B3GALT1: variants seen among roughly 807,000 people sequenced by gnomAD.
B3GALT1 encodes the protein beta-1,3-galactosyltransferase 1.
Under a neutral mutation model 23.2 loss-of-function variants are expected in B3GALT1, and 10 were observed. That is an observed-to-expected ratio of 0.43 (90% CI 0.27 to 0.73). The LOEUF is 0.73. Ranked by LOEUF, B3GALT1 falls within the 30% of genes least tolerant of loss-of-function variation. The pLI is 0.21. For synonymous variants in B3GALT1, 156 were observed against 141.5 expected (o/e 1.10, Z -0.73); for missense variants, 299 against 405.4 (o/e 0.74, Z 2.25).
chr2:167,728,741 A>G (rs11676513), intron 3 of B3GALT1, among the ~76,000 whole-genome samples: 27,247 of 152,182 alleles, frequency 0.18, 2,702 homozygotes, highest in Non-Finnish European at 0.24. Context: ...AGTCATTTTT[A>G]ATGATTGCAT....
chr2:167,672,996 G>A (rs948346460), intron 3 of B3GALT1, among the ~76,000 whole-genome samples: 4 of 151,228 alleles, frequency 2.6e-5, no homozygotes, highest in Non-Finnish European at 5.9e-5. Flanking sequence ...GTGTGTGGGA[G>A]GGGGGTATCT....
chr2:167,451,753 T>G (rs1699095833), intron 1 of B3GALT1, among the ~76,000 whole-genome samples: 1 of 152,148 alleles, frequency 6.6e-6, no homozygotes, highest in Non-Finnish European at 1.5e-5. Flanking sequence ...GCCCTAGAGC[T>G]CCCAACAGCT....
chr2:167,864,163 G>C (rs1273774215), intron 4 of B3GALT1, among the ~76,000 whole-genome samples: 3 of 152,058 alleles, frequency 2.0e-5, no homozygotes, highest in Non-Finnish European at 2.9e-5. Flanking sequence ...TGCACTTTTT[G>C]ATTATCAAGA....
intron 1 of B3GALT1, among the ~76,000 whole-genome samples, chr2:167,301,946 G>GGT (rs1696454181): frequency 6.6e-6 from 1 of 152,058 alleles, no homozygotes; most frequent in South Asian, 2.1e-4. Flanking sequence ...ACATCCACAG[G>GGT]GTGTATCAAG....
intron 2 of B3GALT1, among the ~76,000 whole-genome samples, chr2:167,520,914 A>G (rs572236882): frequency 1.8e-4 from 27 of 152,216 alleles, no homozygotes; most frequent in African/African-American, 4.3e-4. Context: ...TGAGATGTCT[A>G]TGGTGTTGGC....
intron 3 of B3GALT1, among the ~76,000 whole-genome samples, chr2:167,763,689 A>AG (rs1319443618): frequency 1.8e-5 from 2 of 108,212 alleles, no homozygotes; most frequent in South Asian, 3.9e-4. Flanking sequence ...AGACTCTGTC[A>AG]GAAAAAAAAA....
intron 4 of B3GALT1, among the ~76,000 whole-genome samples, chr2:167,850,676 T>C (rs1004116085): frequency 1.3e-5 from 2 of 152,156 alleles, no homozygotes; most frequent in African/African-American, 4.8e-5. Context: ...ATAAAGAAAC[T>C]GATATTGGAG....
chr2:167,668,639 A>G (rs1053100238), intron 3 of B3GALT1, among the ~76,000 whole-genome samples: 4 of 152,008 alleles, frequency 2.6e-5, no homozygotes, highest in Non-Finnish European at 5.9e-5. Context: ...CATGTGGGGG[A>G]TATAATCTCC....
chr2:167,308,155 T>C (rs1293733999), intron 1 of B3GALT1, among the ~76,000 whole-genome samples: 1 of 152,044 alleles, frequency 6.6e-6, no homozygotes, highest in Non-Finnish European at 1.5e-5. Flanking sequence ...AGGCAGTAGA[T>C]GTTACTATAA....
chr2:167,677,875 G>T (rs1686454688), intron 3 of B3GALT1, among the ~76,000 whole-genome samples: 1 of 152,176 alleles, frequency 6.6e-6, no homozygotes, highest in Non-Finnish European at 1.5e-5. Context: ...ATGGTGGCAG[G>T]AGAAAGAAGT....
chr2:167,396,873 G>A (rs1226307105), intron 1 of B3GALT1, among the ~76,000 whole-genome samples: 2 of 151,984 alleles, frequency 1.3e-5, no homozygotes, highest in African/African-American at 2.4e-5. Context: ...ATTACCAAGC[G>A]AAGAAGGTCC....
intron 1 of B3GALT1, among the ~76,000 whole-genome samples, chr2:167,396,540 G>GT (rs899005502): frequency 1.6e-3 from 222 of 138,024 alleles, no homozygotes; most frequent in African/African-American, 6.4e-3. Context: ...ATATATGTGT[G>GT]TGTGTGTGTG....
chr2:167,845,974 C>CA (rs1229945367), intron 4 of B3GALT1, among the ~76,000 whole-genome samples: 6 of 151,854 alleles, frequency 4.0e-5, no homozygotes, highest in Non-Finnish European at 5.9e-5. Flanking sequence ...AAAGTGTCAC[C>CA]AATAGAATTG....
chr2:167,334,515 T>A (rs1697023512), intron 1 of B3GALT1, among the ~76,000 whole-genome samples: 1 of 152,166 alleles, frequency 6.6e-6, no homozygotes, highest in African/African-American at 2.4e-5. Flanking sequence ...ACTAAAGATG[T>A]TTTGGGCCAT....
chr2:167,768,854 A>G (rs942549986), intron 3 of B3GALT1, among the ~76,000 whole-genome samples: 1 of 152,238 alleles, frequency 6.6e-6, no homozygotes, highest in Non-Finnish European at 1.5e-5. Flanking sequence ...TGAAGATTCT[A>G]ACAATAGCCA....
intron 3 of B3GALT1, among the ~76,000 whole-genome samples, chr2:167,754,794 G>T (rs749027296): frequency 6.6e-6 from 1 of 152,124 alleles, no homozygotes; most frequent in Admixed American, 6.6e-5. Context: ...CAACCCTGCA[G>T]TTACAAAGAC....
intron 3 of B3GALT1, among the ~76,000 whole-genome samples, chr2:167,704,450 C>G (rs967188172): frequency 1.3e-5 from 2 of 151,988 alleles, no homozygotes; most frequent in African/African-American, 4.8e-5. Flanking sequence ...TCCTTCTAAG[C>G]AGATATACAC....
At chr2:167,829,128 C>CTGAT (rs1443545149) in intron 4 of B3GALT1, among the ~76,000 whole-genome samples, 9 of 152,210 alleles carry the variant, frequency 5.9e-5, no homozygotes, top group African/African-American at 2.2e-4. Flanking sequence ...CTGTCTCTTA[C>CTGAT]TGATTGTCTA....
intron 1 of B3GALT1, among the ~76,000 whole-genome samples, chr2:167,346,900 G>A (rs530366234): frequency 1.3e-5 from 2 of 152,160 alleles, no homozygotes; most frequent in African/African-American, 4.8e-5. Flanking sequence ...CTATCGATCC[G>A]CTGTTTATCA....
Sources: gnomAD v4.1 joint callset for allele counts (sites outside exome capture counted in the v4.1 genomes callset) on GRCh38, gnomAD v4.1.1 for gene constraint, MANE v1.5 for transcripts, NCBI Gene and HGNC (gene_info 2026-07-23, HGNC 2026-07-21) for gene names.